Variants in GULP1 observed in about 807,000 individuals in gnomAD.
GULP1 encodes PTB domain-containing engulfment adapter protein 1.
Under a neutral mutation model 40.9 loss-of-function variants are expected in GULP1, and 19 were observed. That is an observed-to-expected ratio of 0.46 (90% confidence interval 0.32 to 0.68). The LOEUF (loss-of-function observed/expected upper bound fraction) is 0.68. Among genes scored for constraint, GULP1 ranks in the 30% least tolerant of loss-of-function variants. GULP1 has a pLI of 0.03. For missense variants in GULP1, 312 were observed against 362.2 expected, an observed-to-expected ratio of 0.86 and a Z score of 1.12; for synonymous variants, 119 against 117.6, an observed-to-expected ratio of 1.01 and a Z score of -0.08.
rs528627182 is a variant in GULP1 at position 188,383,501 on chromosome 2, C to T, written c.-171-262C>T. ...ATATTGTTAAAGAACTATCACCAGG[C>T]TTTAATAGTAACATATCTGTGAGTT... On this transcript the variant is annotated intron_variant, in intron 1 of 11. Coordinates refer to ENST00000409830, the MANE Select transcript of GULP1 (RefSeq NM_016315.4). Among the ~76,000 whole-genome samples the T allele has an allele frequency of 4.6e-5, 7 of 152,280 alleles. No homozygotes were observed. In the East Asian group the frequency reaches 1.2e-3, roughly 25 times the overall value.
chr2:188,569,195 T>G, intron 7 of GULP1, 44 bp from the exon 8 acceptor site: 1 of 964,920 alleles, frequency 1.0e-6, no homozygotes, highest in Non-Finnish European at 1.7e-6. Flanking sequence ...AAAAACAGTT[T>G]GACATATTAT....
At chr2:188,390,276 A>T (rs561824845) in intron 2 of GULP1, among the ~76,000 whole-genome samples, 3 of 152,080 alleles carry the variant, frequency 2.0e-5, no homozygotes, top group African/African-American at 7.2e-5. Flanking sequence ...TTCCACGCCA[A>T]ATCTATTATT....
intron 2 of GULP1, among the ~76,000 whole-genome samples, chr2:188,415,693 A>G (rs551441396): frequency 6.6e-6 from 1 of 152,252 alleles, no homozygotes; most frequent in Admixed American, 6.5e-5. Flanking sequence ...CAATTTTCTG[A>G]TTGTAAGTCC....
At chr2:188,303,355 T>C (rs1489935027) in intron 1 of GULP1, among the ~76,000 whole-genome samples, 2 of 152,154 alleles carry the variant, frequency 1.3e-5, no homozygotes, top group Non-Finnish European at 2.9e-5. Context: ...ACCAAGTAGT[T>C]TAAGCAGGAG....
intron 1 of GULP1, among the ~76,000 whole-genome samples, chr2:188,296,880 A>G (rs1353485226): frequency 6.6e-6 from 1 of 151,772 alleles, no homozygotes; most frequent in East Asian, 1.9e-4. Flanking sequence ...GACCTTAGAA[A>G]CTTCCATATT....
chr2:188,395,362 G>A (rs985938823), intron 2 of GULP1, among the ~76,000 whole-genome samples: 1 of 152,172 alleles, frequency 6.6e-6, no homozygotes, highest in Admixed American at 6.5e-5. Context: ...CTCCACCTGT[G>A]GGGATATAAT....
At chr2:188,460,971 C>A (rs915632911) in intron 2 of GULP1, among the ~76,000 whole-genome samples, 1 of 152,112 alleles carries the variant, frequency 6.6e-6, no homozygotes, top group Non-Finnish European at 1.5e-5. Flanking sequence ...ATTATTGCAT[C>A]CTAAGGGTAA....
chr2:188,408,325 G>T (rs1259020163), intron 2 of GULP1, among the ~76,000 whole-genome samples: 3 of 152,010 alleles, frequency 2.0e-5, no homozygotes. Context: ...TTAGTGCATG[G>T]TATTCTGTTA....
At chr2:188,453,324 T>C (rs2058988962) in intron 2 of GULP1, among the ~76,000 whole-genome samples, 1 of 150,792 alleles carries the variant, frequency 6.6e-6, no homozygotes, top group African/African-American at 2.4e-5. Flanking sequence ...TAAAATGTAA[T>C]GTTATTAGTG....
intron 2 of GULP1, among the ~76,000 whole-genome samples, chr2:188,446,170 A>G (rs1259239808): frequency 6.6e-6 from 1 of 152,144 alleles, no homozygotes; most frequent in African/African-American, 2.4e-5. Flanking sequence ...CAATAAAATG[A>G]GATATTCTTC....
intron 1 of GULP1, among the ~76,000 whole-genome samples, chr2:188,310,487 G>A (rs973963689): frequency 6.6e-6 from 1 of 152,172 alleles, no homozygotes. Flanking sequence ...AAGCTTGCTT[G>A]GTTGACTGGA....
Position 188,324,464 on chromosome 2 carries a change from G to T in GULP1, c.-172+32298G>T, listed in dbSNP as rs544877851. 2.6e-5 allele frequency among the ~76,000 whole-genome samples: 4 copies of T among 152,062 alleles called. No individual in the cohort carries two copies. The South Asian group carries it at 8.3e-4, about 32-fold the overall frequency. The stretch of plus-strand genomic sequence containing the variant: ...AGCCTTCTTTTAAATGACAAATGAA[G>T]ATTTTTCCCTCCCTTATTAGATGCC... On this transcript the variant is annotated intron_variant, in intron 1 of 11. Transcript: ENST00000409830.
At chr2:188,497,695 C>T (rs1281466815) in intron 4 of GULP1, among the ~76,000 whole-genome samples, 1 of 151,640 alleles carries the variant, frequency 6.6e-6, no homozygotes, top group African/African-American at 2.4e-5. Flanking sequence ...AATGTGTGTC[C>T]CACAGTCTCA....
chr2:188,533,174 A>G (rs1575838324), intron 6 of GULP1, among the ~76,000 whole-genome samples: 1 of 152,186 alleles, frequency 6.6e-6, no homozygotes, highest in African/African-American at 2.4e-5. Context: ...ATTTGTAAAT[A>G]CAAAGACAGA....
At chr2:188,572,504 A>G (rs1319607836) in intron 9 of GULP1, among the ~76,000 whole-genome samples, 1 of 152,170 alleles carries the variant, frequency 6.6e-6, no homozygotes, top group African/African-American at 2.4e-5. Context: ...GTTCATATAT[A>G]TGTAGAAAAT....
At chr2:188,429,229 G>A (rs546677479) in intron 2 of GULP1, among the ~76,000 whole-genome samples, 5 of 152,248 alleles carry the variant, frequency 3.3e-5, no homozygotes, top group African/African-American at 1.2e-4. Flanking sequence ...TGGGCTGGGT[G>A]TGCTGGCTGT....
chr2:188,383,397 G>T (rs2049260749), intron 1 of GULP1, among the ~76,000 whole-genome samples: 2 of 152,140 alleles, frequency 1.3e-5, no homozygotes, highest in Non-Finnish European at 2.9e-5. Context: ...CATGAACAGG[G>T]TATGTGCTTG....
At chr2:188,573,795 G>A (rs773737313) in intron 9 of GULP1, among the ~76,000 whole-genome samples, 9 of 152,160 alleles carry the variant, frequency 5.9e-5, no homozygotes, top group Admixed American at 1.3e-4. Flanking sequence ...GATGCATATT[G>A]AATTACAACA....
chr2:188,432,981 A>C, intron 2 of GULP1, among the ~76,000 whole-genome samples: 1 of 152,174 alleles, frequency 6.6e-6, no homozygotes, highest in East Asian at 1.9e-4. Flanking sequence ...AAAAGAAAAA[A>C]ATGTAAAAGA....
Sources: allele counts gnomAD v4.1 joint callset (sites outside exome capture counted in the v4.1 genomes callset), GRCh38; gene constraint gnomAD v4.1.1; transcripts MANE v1.5; gene names NCBI Gene and HGNC (gene_info 2026-07-23, HGNC 2026-07-21).